SPTBN1: variants seen among roughly 807,000 people sequenced by gnomAD.
SPTBN1 encodes the protein spectrin beta, non-erythrocytic 1.
In SPTBN1, 32 loss-of-function variants were observed where a neutral mutation model predicts 266.4. That is an observed-to-expected ratio of 0.12 (90% confidence interval 0.09 to 0.16). The LOEUF (loss-of-function observed/expected upper bound fraction) is 0.16. Ranked by LOEUF, SPTBN1 falls within the 10% of genes least tolerant of loss-of-function variation. SPTBN1 has a pLI of 1.00. For missense variants in SPTBN1, 2,296 were observed against 3,067.1 expected, an observed-to-expected ratio of 0.75 and a Z score of 5.94; for synonymous variants, 1,336 against 1,162.2, an observed-to-expected ratio of 1.15 and a Z score of -3.04.
intron 2 of SPTBN1, among the ~76,000 whole-genome samples, chr2:54,573,918 A>C (rs1211209923): frequency 7.5e-6 from 1 of 132,812 alleles, no homozygotes; most frequent in African/African-American, 3.6e-5. Context: ...TGCTTTGTAC[A>C]CCTGCAAAAC....
At chr2:54,531,258 C>T (rs1180619352) in intron 2 of SPTBN1, among the ~76,000 whole-genome samples, 2 of 152,168 alleles carry the variant, frequency 1.3e-5, no homozygotes, top group African/African-American at 4.8e-5. Context: ...TGGGGGCAGT[C>T]TTGTGGGACC....
At chr2:54,459,238 G>C (rs1693232894) in intron 1 of SPTBN1, among the ~76,000 whole-genome samples, 1 of 152,232 alleles carries the variant, frequency 6.6e-6, no homozygotes, top group Non-Finnish European at 1.5e-5. Flanking sequence ...GGGCAGTGAA[G>C]GAACTGCTGT....
intron 34 of SPTBN1, among the ~76,000 whole-genome samples, chr2:54,666,830 T>A (rs1213051046): frequency 6.6e-6 from 1 of 152,234 alleles, no homozygotes; most frequent in East Asian, 1.9e-4. Context: ...GGCCCAGGGC[T>A]CCAGAGGAGA....
intron 4 of SPTBN1, 33 bp from the exon 5 acceptor site, chr2:54,616,174 T>C (rs1677594474): frequency 1.3e-6 from 2 of 1,596,122 alleles, no homozygotes; most frequent in Non-Finnish European, 1.7e-6. Flanking sequence ...AGCTGACCCA[T>C]CTATTTGTCT....
rs1276432380 is a variant in SPTBN1, at chr2:54,664,496, C to T, written c.6464C>T (p.Thr2155Ile). ...ACAAGCGAAATGGTCAACGGCGCTA[C>T]AGAACAAAGGACGAGCTCTAAAGAG... ...VDTSEMVNGA[T>I]EQRTSSKESS... is the part of the protein sequence containing the mutation. Residue 2155 changes from threonine to isoleucine, a missense_variant, in exon 33 of 36, where the codon ACA (threonine) becomes ATA (isoleucine). By Grantham distance (89) the Thr-to-Ile change is moderately conservative. Coordinates refer to ENST00000356805, the MANE Select transcript of SPTBN1 (RefSeq NM_003128.3). This position sits in a 1 kb window ranked among gnomAD's most constrained non-coding sequence, Gnocchi z 5.6. The T allele has an allele frequency of 6.2e-7, 1 of 1,614,012 alleles. No individual in the cohort carries two copies.
At chr2:54,579,636 A>G (rs1426630289) in intron 2 of SPTBN1, among the ~76,000 whole-genome samples, 1 of 147,958 alleles carries the variant, frequency 6.8e-6, no homozygotes, top group Non-Finnish European at 1.5e-5. Context: ...AACTGGGAAG[A>G]TATATTGCTG....
At chr2:54,559,792 T>A (rs533633898) in intron 2 of SPTBN1, among the ~76,000 whole-genome samples, 1 of 152,314 alleles carries the variant, frequency 6.6e-6, no homozygotes, top group Non-Finnish European at 1.5e-5. Flanking sequence ...AAAAAAGTAG[T>A]ATTCGAGGAC....
At chr2:54,627,257 C>T (rs577904187) in intron 12 of SPTBN1, among the ~76,000 whole-genome samples, 6 of 152,086 alleles carry the variant, frequency 3.9e-5, no homozygotes, top group Non-Finnish European at 7.4e-5. Context: ...TAGAAATGTT[C>T]GTAAAATGTA....
chr2:54,664,549 G>T lies in SPTBN1; in HGVS notation c.6517G>T (p.Asp2173Tyr), dbSNP rs747738977. 1 of 1,614,034 alleles carries T rather than the reference G, an allele frequency of 6.2e-7. No individual in the cohort carries two copies. Among genetic ancestry groups the T allele is most frequent in the Admixed American group, 1.7e-5 (1 of 60,000 alleles). ...ESSPIPSPTS[D>Y]RKAKTALPAQ... ...CAGCCCCATCCCCTCCCCGACCTCT[G>T]ATCGTAAAGCCAAGACTGCCCTCCC... The change falls in exon 33 of 36, where the codon GAT (aspartate) becomes TAT (tyrosine). Residue 2173 changes from aspartate (D) to tyrosine (Y), a missense_variant. Physicochemically the swap from Asp to Tyr is radical, Grantham distance 160. Around this residue, in one of 12 missense-constraint regions of SPTBN1, gnomAD observed 347 missense variants for 368.5 expected, o/e 0.94. Transcript: ENST00000356805. The surrounding 1 kb of genome is among the most constrained non-coding windows in gnomAD (Gnocchi z 5.6).
At position 54,618,243 on chromosome 2, in the gene SPTBN1, A is replaced by G; in HGVS notation, c.763+50A>G. 2.1e-6 allele frequency: 3 copies of G among 1,437,420 alleles called. No homozygotes were observed. The South Asian group carries it at 3.6e-5, about 17-fold the overall frequency. 89.0% of individuals were successfully genotyped at this position (1,437,420 alleles called of 1,614,324 possible). Reference sequence around the variant, plus strand: ...GGGATTTTTAGCATCTGTACCATCCAGGTGTTAATGTAAAATCTGTTTTGT... The same window carrying G: ...GGGATTTTTAGCATCTGTACCATCCGGGTGTTAATGTAAAATCTGTTTTGT... On this transcript the variant is annotated intron_variant, in intron 7 of 35. Coordinates refer to ENST00000356805, the MANE Select transcript of SPTBN1 (RefSeq NM_003128.3).
intron 2 of SPTBN1, among the ~76,000 whole-genome samples, chr2:54,575,585 G>A (rs957322796): frequency 1.3e-5 from 2 of 152,226 alleles, no homozygotes; most frequent in Admixed American, 6.5e-5. Context: ...CTTAAATTCA[G>A]GTGATATTGA....
At chr2:54,513,739 T>G (rs1186986561) in intron 1 of SPTBN1, among the ~76,000 whole-genome samples, 1 of 152,184 alleles carries the variant, frequency 6.6e-6, no homozygotes, top group Non-Finnish European at 1.5e-5. Context: ...TTAATTTCAG[T>G]TTTTTAATAG....
rs1681238525 is a variant in SPTBN1, at chr2:54,664,384, CAGGT to C, written c.6421-66_6421-63del. ...TTTATACACAGCCACATGTGCGAGT[CAGGT>C]AGAGCGTATGTGGTCACCCCCATGG... On this transcript the variant is annotated intron_variant, in intron 32 of 35. Transcript: ENST00000356805. This position sits in a 1 kb window ranked among gnomAD's most constrained non-coding sequence, Gnocchi z 5.6. The C allele has an allele frequency of 3.4e-6, 5 of 1,485,982 alleles. No individual in the cohort carries two copies. Among genetic ancestry groups the C allele is most frequent in the South Asian group, 1.2e-5 (1 of 80,630 alleles). The allele number at this position is 1,485,982 out of a possible 1,614,324, so 92.0% of individuals were successfully genotyped here. A position where few individuals can be genotyped will look rare whatever the true frequency, so the allele number is the denominator to read the frequency against.
Position 54,626,673 on chromosome 2 carries a change from A to C in SPTBN1, c.1644+439A>C, listed in dbSNP as rs903571118. Among the ~76,000 whole-genome samples the C allele has an allele frequency of 6.6e-6, 1 of 152,172 alleles. No homozygotes were observed. The highest frequency in any genetic ancestry group is 6.5e-5 in the Admixed American group (1 of 15,272). On this transcript the variant is annotated intron_variant, in intron 12 of 35. Coordinates refer to ENST00000356805, the MANE Select transcript of SPTBN1 (RefSeq NM_003128.3). This position sits in a 1 kb window ranked among gnomAD's most constrained non-coding sequence, Gnocchi z 4.7. ...GAGAGGTCAGGAACCAGGCAGCCAGAGTTCTGATTGTGAGTGCCTGAGTTG... is the reference window on the plus strand; with the variant it reads ...GAGAGGTCAGGAACCAGGCAGCCAGCGTTCTGATTGTGAGTGCCTGAGTTG...
In SPTBN1 at chr2:54,645,844, TCCCTCACTGC is replaced by T. The variant is rs1016362970; in HGVS notation, c.4495-73_4495-64del. ...CACTCTCTGAAGCTCACCCTTGCTG[TCCCTCACTGC>T]CCCTCACTGCTCGTTTGTGTCGTAT... On this transcript the variant is annotated intron_variant, in intron 21 of 35. Coordinates refer to ENST00000356805, the MANE Select transcript of SPTBN1 (RefSeq NM_003128.3). This position sits in a 1 kb window ranked among gnomAD's most constrained non-coding sequence, Gnocchi z 4.3. 16 of 1,456,996 alleles carry T rather than the reference TCCCTCACTGC, an allele frequency of 1.1e-5. No individual in the cohort carries two copies. The Admixed American group carries it at 1.9e-4, about 17-fold the overall frequency. The allele number at this position is 1,456,996 out of a possible 1,614,324, so 90.3% of individuals were successfully genotyped here.
rs767312470 is a variant in SPTBN1 at position 54,558,833 on chromosome 2, G to GGGC, written c.148+32268_148+32270dup. On this transcript the variant is annotated intron_variant, in intron 2 of 35. Coordinates refer to ENST00000356805, the MANE Select transcript of SPTBN1 (RefSeq NM_003128.3). The surrounding 1 kb of genome is among the most constrained non-coding windows in gnomAD (Gnocchi z 4.6). ...CGGGCCGCTGTCGCCGGCGTACACG[G>GGGC]GGCAGGTGCCTTACAACTACAACCA... 6.2e-7 allele frequency: 1 copy of GGGC among 1,613,924 alleles called. No homozygotes were observed. Among genetic ancestry groups the GGGC allele is most frequent in the East Asian group, 2.2e-5 (1 of 44,842 alleles).
intron 1 of SPTBN1, among the ~76,000 whole-genome samples, chr2:54,468,845 T>C (rs1693775012): frequency 6.6e-6 from 1 of 152,180 alleles, no homozygotes; most frequent in African/African-American, 2.4e-5. Flanking sequence ...CAACATCTGA[T>C]TTTACTTTTG....
rs377757038 is a variant in SPTBN1 at position 54,664,761 on chromosome 2, T to G, written c.6659+70T>G. The G allele has an allele frequency of 2.0e-6, 3 of 1,476,878 alleles. No individual in the cohort carries two copies. Among genetic ancestry groups the G allele is most frequent in the African/African-American group, 2.8e-5 (2 of 71,740 alleles). 91.5% of individuals were successfully genotyped at this position (1,476,878 alleles called of 1,614,324 possible). On this transcript the variant is annotated intron_variant, in intron 33 of 35. Transcript: ENST00000356805. The surrounding 1 kb of genome is among the most constrained non-coding windows in gnomAD (Gnocchi z 5.6). Reference sequence around the variant, plus strand: ...GTGAAGGGATAAGGCGGGCCACTCTTGAATTGGAAGAGAAGTATGTGCTCA... The same window carrying G: ...GTGAAGGGATAAGGCGGGCCACTCTGGAATTGGAAGAGAAGTATGTGCTCA...
intron 34 of SPTBN1, among the ~76,000 whole-genome samples, chr2:54,666,497 G>C (rs1034150747): frequency 6.6e-6 from 1 of 152,210 alleles, no homozygotes; most frequent in Non-Finnish European, 1.5e-5. Context: ...TGGGTCAAGT[G>C]AGTCATCCTG....
Sources: allele counts gnomAD v4.1 joint callset (sites outside exome capture counted in the v4.1 genomes callset), GRCh38; gene constraint gnomAD v4.1.1; regional missense constraint gnomAD v4.1.1; non-coding constraint Gnocchi (gnomAD v3.1); transcripts MANE v1.5; gene names NCBI Gene and HGNC (gene_info 2026-07-23, HGNC 2026-07-21).